The following BICRAL variants were observed in gnomAD, a reference collection of about 807,000 sequenced individuals.
The protein encoded by BICRAL is BRD4-interacting chromatin-remodeling complex-associated protein-like.
In BICRAL, 8 loss-of-function variants were observed where a neutral mutation model predicts 91.8. The ratio of observed to expected loss-of-function variants is 0.09; its 90% CI spans 0.05 to 0.16. The LOEUF (loss-of-function observed/expected upper bound fraction) is 0.16. Ranked by LOEUF, BICRAL falls within the 10% of genes least tolerant of loss-of-function variation. BICRAL has a pLI of 1.00. For synonymous variants in BICRAL, 445 were observed against 491.1 expected (o/e 0.91, Z 1.24); for missense variants, 1,038 against 1,310.9 (o/e 0.79, Z 3.21).
chr6:42,862,410 A>T, intron 11 of BICRAL, 100 bp from the exon 12 acceptor site: 2 of 780,062 alleles, frequency 2.6e-6, no homozygotes, highest in Non-Finnish European at 4.5e-6. Context: ...CATGCCCTGT[A>T]GTATCTTTTG....
At chr6:42,791,907 C>T (rs1763284804) in intron 1 of BICRAL, among the ~76,000 whole-genome samples, 1 of 152,230 alleles carries the variant, frequency 6.6e-6, no homozygotes, top group South Asian at 2.1e-4. Flanking sequence ...CTACCACACA[C>T]CTAGGCTATA....
At chr6:42,796,201 A>T (rs2113889074) in intron 1 of BICRAL, among the ~76,000 whole-genome samples, 1 of 152,358 alleles carries the variant, frequency 6.6e-6, no homozygotes, top group African/African-American at 2.4e-5. Context: ...GTAGTATGTT[A>T]TGGGGTAAAC....
chr6:42,749,117 A>C (rs1407208411), intron 1 of BICRAL, among the ~76,000 whole-genome samples: 1 of 152,194 alleles, frequency 6.6e-6, no homozygotes, highest in East Asian at 1.9e-4. Context: ...CCGTTTATTT[A>C]ACAACAGTTT....
chr6:42,816,187 G>A (rs560431696), intron 2 of BICRAL, among the ~76,000 whole-genome samples: 1 of 147,660 alleles, frequency 6.8e-6, no homozygotes, highest in Non-Finnish European at 1.5e-5. Context: ...GTGAGACCTC[G>A]TCTCTACCAA....
At chr6:42,816,657 T>C (rs966711921) in intron 2 of BICRAL, among the ~76,000 whole-genome samples, 6 of 152,064 alleles carry the variant, frequency 3.9e-5, no homozygotes, top group African/African-American at 1.4e-4. Flanking sequence ...TAATTGTTTT[T>C]CTTTTTTGAT....
intron 2 of BICRAL, among the ~76,000 whole-genome samples, chr6:42,814,767 C>T (rs1005785339): frequency 2.7e-5 from 4 of 149,946 alleles, no homozygotes; most frequent in Non-Finnish European, 4.4e-5. Context: ...TCAGGTGATC[C>T]GCCTGCCTCA....
intron 6 of BICRAL, among the ~76,000 whole-genome samples, chr6:42,845,998 G>A (rs931294083): frequency 1.3e-5 from 2 of 149,450 alleles, no homozygotes; most frequent in Admixed American, 6.7e-5. Flanking sequence ...GGGAACCCAG[G>A]AGGCGGAGCT....
chr6:42,860,943 A>G (rs1481227876), intron 11 of BICRAL, among the ~76,000 whole-genome samples: 1 of 152,014 alleles, frequency 6.6e-6, no homozygotes, highest in Non-Finnish European at 1.5e-5. Flanking sequence ...CCTGACCAAC[A>G]TGGAGAAACC....
chr6:42,843,315 G>C (rs1764866366), intron 6 of BICRAL, among the ~76,000 whole-genome samples: 1 of 152,172 alleles, frequency 6.6e-6, no homozygotes. Flanking sequence ...CCATGAAATA[G>C]AAACAGCAAG....
At chr6:42,853,414 A>C (rs1416074015) in intron 7 of BICRAL, among the ~76,000 whole-genome samples, 1 of 152,132 alleles carries the variant, frequency 6.6e-6, no homozygotes, top group African/African-American at 2.4e-5. Context: ...GCTTCTATTT[A>C]TTACTATTTA....
At chr6:42,857,626 T>TATATATAC (rs1765421663) in intron 10 of BICRAL, among the ~76,000 whole-genome samples, 1 of 125,326 alleles carries the variant, frequency 8.0e-6, no homozygotes, top group African/African-American at 3.7e-5. Context: ...TATATATATA[T>TATATATAC]ATATATATAT....
At chr6:42,861,105 A>C (rs576247522) in intron 11 of BICRAL, among the ~76,000 whole-genome samples, 12 of 152,280 alleles carry the variant, frequency 7.9e-5, no homozygotes, top group Non-Finnish European at 1.3e-4. Flanking sequence ...CAGTCTGGGC[A>C]ACAAGAGCGA....
chr6:42,865,513 A>G lies in BICRAL; in HGVS notation c.*67A>G, dbSNP rs1321638122. On this transcript the variant is annotated 3_prime_UTR_variant, in exon 13 of 13. Coordinates refer to ENST00000314073, the MANE Select transcript of BICRAL (RefSeq NM_001393499.1). ...CGAGACCCCACCCCGGACCAGTTACATTCGTTCCTGGCAAAAGCAAATGGA... is the reference window on the plus strand; with the variant it reads ...CGAGACCCCACCCCGGACCAGTTACGTTCGTTCCTGGCAAAAGCAAATGGA... 1 of 824,828 alleles carries G rather than the reference A, an allele frequency of 1.2e-6. No homozygotes were observed. The highest frequency in any genetic ancestry group is 2.7e-5 in the Admixed American group (1 of 37,170). 51.1% of individuals were successfully genotyped at this position (824,828 alleles called of 1,614,324 possible).
Position 42,867,378 on chromosome 6 carries a change from T to C in BICRAL, c.*1932T>C, listed in dbSNP as rs1765742841. The stretch of plus-strand genomic sequence containing the variant: ...ACCATTTTTTCCTTATTTGTGCCAA[T>C]GTCCAAGTTGCAGATTTCCCCTTTT... On this transcript the variant is annotated 3_prime_UTR_variant, in exon 13 of 13. Transcript: ENST00000314073. The C allele has an allele frequency of 6.5e-6, 1 of 153,804 alleles. No homozygotes were observed. The highest frequency in any genetic ancestry group is 2.4e-5 in the African/African-American group (1 of 41,454). 9.5% of individuals were successfully genotyped at this position (153,804 alleles called of 1,614,324 possible).
At chr6:42,828,250 A>C (rs994112581) in intron 5 of BICRAL, among the ~76,000 whole-genome samples, 3 of 151,656 alleles carry the variant, frequency 2.0e-5, no homozygotes, top group African/African-American at 7.3e-5. Context: ...AAATACAAAA[A>C]ATTAGCTGGG....
At chr6:42,746,997 C>T (rs1383698568) in exon 1 of BICRAL, 1 of 152,482 alleles carries the variant, frequency 6.6e-6, no homozygotes, top group East Asian at 1.9e-4. Flanking sequence ...ACTCCCTCCG[C>T]AGCTGGGCGT....
At position 42,796,943 on chromosome 6, in the gene BICRAL, A is replaced by C. The variant is rs1033946504; in HGVS notation, c.-101-13363A>C. ...GCCTGTAATCCCAGCTACTTGGAAG[A>C]CTGAGGCAGGAGAATCACTTGAACC... is the stretch of plus-strand genomic sequence containing the variant. On this transcript the variant is annotated intron_variant, in intron 1 of 12. Coordinates refer to ENST00000314073, the MANE Select transcript of BICRAL (RefSeq NM_001393499.1). Among the ~76,000 whole-genome samples the C allele has an allele frequency of 2.0e-5, 3 of 151,300 alleles. No individual in the cohort carries two copies. The Admixed American group carries it at 2.0e-4, about 10-fold the overall frequency.
intron 1 of BICRAL, among the ~76,000 whole-genome samples, chr6:42,769,996 G>C (rs1272542875): frequency 1.3e-5 from 2 of 152,080 alleles, no homozygotes; most frequent in Non-Finnish European, 2.9e-5. Flanking sequence ...ATTGTGACCT[G>C]CAGTGTGGAA....
chr6:42,814,520 T>TATA (rs1491538864), intron 2 of BICRAL, among the ~76,000 whole-genome samples: 151 of 41,114 alleles, frequency 3.7e-3, no homozygotes, highest in African/African-American at 6.1e-3. Flanking sequence ...TATATATATA[T>TATA]TTTTTTTTTT....
Sources: allele counts gnomAD v4.1 joint callset (sites outside exome capture counted in the v4.1 genomes callset), GRCh38; gene constraint gnomAD v4.1.1; transcripts MANE v1.5; gene names NCBI Gene and HGNC (gene_info 2026-07-23, HGNC 2026-07-21).